CACNG2: variants seen among roughly 807,000 people sequenced by gnomAD.
The protein encoded by CACNG2 is calcium voltage-gated channel auxiliary subunit gamma 2.
Under a neutral mutation model 25.9 loss-of-function variants are expected in CACNG2, and 3 were observed. The observed-to-expected ratio is 0.12, with a 90% CI of 0.05 to 0.30. The LOEUF is 0.30. CACNG2 is among the 10% of genes least tolerant of loss of function. CACNG2 has a pLI of 1.00. For missense variants in CACNG2, 341 were observed against 432.5 expected (o/e 0.79, Z 1.88); for synonymous variants, 167 against 173.3 (o/e 0.96, Z 0.29).
intron 1 of CACNG2, among the ~76,000 whole-genome samples, chr22:36,677,201 T>C (rs2145998064): frequency 6.6e-6 from 1 of 152,312 alleles, no homozygotes; most frequent in Non-Finnish European, 1.5e-5. Context: ...CTTCATTTCC[T>C]GAAGAAGGCT....
chr22:36,668,351 A>C (rs192731172), intron 1 of CACNG2, among the ~76,000 whole-genome samples: 144 of 152,384 alleles, frequency 9.4e-4, no homozygotes, highest in Non-Finnish European at 1.6e-3. Flanking sequence ...GAGAGATATA[A>C]GCGGAGACTT....
At chr22:36,571,188 G>C (rs979436358) in intron 2 of CACNG2, among the ~76,000 whole-genome samples, 1 of 152,172 alleles carries the variant, frequency 6.6e-6, no homozygotes, top group Non-Finnish European at 1.5e-5. Flanking sequence ...CAGGCATGGT[G>C]GCTCATGCCT....
Position 36,677,053 on chromosome 22 carries a change from T to A in CACNG2, c.211+25313A>T, listed in dbSNP as rs569400969. Among the ~76,000 whole-genome samples, 20 of 152,168 alleles carry A rather than the reference T, an allele frequency of 1.3e-4. 1 individual carries two copies. The highest frequency in any genetic ancestry group is 4.8e-4 in the African/African-American group (20 of 41,500). On this transcript the variant is annotated intron_variant, in intron 1 of 3. Transcript: ENST00000300105. The stretch of plus-strand genomic sequence containing the variant: ...GGTGTCACCTCTACTCTTCTCTGGT[T>A]CTAACAATCTTACAGTATCAAACAG...
intron 1 of CACNG2, among the ~76,000 whole-genome samples, chr22:36,658,739 C>A (rs1936743320): frequency 2.0e-5 from 3 of 152,018 alleles, no homozygotes. Context: ...TGACAGTGAA[C>A]AAAGTAACAA....
chr22:36,620,666 G>A (rs930763017), intron 1 of CACNG2, among the ~76,000 whole-genome samples: 15 of 152,180 alleles, frequency 9.9e-5, no homozygotes, highest in Non-Finnish European at 1.8e-4. Context: ...AATGGTGCTA[G>A]TGGTAATTTG....
intron 1 of CACNG2, among the ~76,000 whole-genome samples, chr22:36,645,799 C>T (rs1334786259): frequency 2.6e-5 from 4 of 152,198 alleles, no homozygotes; most frequent in African/African-American, 9.6e-5. Context: ...TTTGCACCCT[C>T]CCCTTCATTC....
chr22:36,612,973 G>C (rs1483816155), intron 1 of CACNG2, among the ~76,000 whole-genome samples: 1 of 152,180 alleles, frequency 6.6e-6, no homozygotes, highest in East Asian at 1.9e-4. Context: ...ATGCTAAGAG[G>C]AGATACAAAA....
chr22:36,604,396 T>G lies in CACNG2; in HGVS notation c.212-16848A>C, dbSNP rs149275839. On this transcript the variant is annotated intron_variant, in intron 1 of 3. Coordinates refer to ENST00000300105, the MANE Select transcript of CACNG2 (RefSeq NM_006078.5). ...TATTTAGAAGATGATATAAAGTTAG[T>G]TGATAAAGCAGCAGCAGGGTTTGAG... Among the ~76,000 whole-genome samples the G allele has an allele frequency of 1.3e-3, 204 of 152,338 alleles. 2 individuals are homozygous for G. Among genetic ancestry groups the G allele is most frequent in the African/African-American group, 4.8e-3 (198 of 41,570 alleles).
chr22:36,606,120 A>G lies in CACNG2; in HGVS notation c.212-18572T>C, dbSNP rs1370517730. Among the ~76,000 whole-genome samples the G allele has an allele frequency of 6.6e-6, 1 of 152,186 alleles. No individual in the cohort carries two copies. The highest frequency in any genetic ancestry group is 1.5e-5 in the Non-Finnish European group (1 of 68,030). On this transcript the variant is annotated intron_variant, in intron 1 of 3. Coordinates refer to ENST00000300105, the MANE Select transcript of CACNG2 (RefSeq NM_006078.5). The surrounding 1 kb of genome is among the most constrained non-coding windows in gnomAD (Gnocchi z 5.7). ...TACTTCAGCTCGTCCTTGAATTTTTATCAAGTGGTTACTAGGTGTTGGTGT... is the reference window on the plus strand; with the variant it reads ...TACTTCAGCTCGTCCTTGAATTTTTGTCAAGTGGTTACTAGGTGTTGGTGT...
chr22:36,700,100 G>A (rs1007015694), intron 1 of CACNG2, among the ~76,000 whole-genome samples: 1 of 152,250 alleles, frequency 6.6e-6, no homozygotes, highest in Non-Finnish European at 1.5e-5. Flanking sequence ...GGGGTAGTGA[G>A]GCCCCGCTGG....
intron 2 of CACNG2, among the ~76,000 whole-genome samples, chr22:36,574,250 A>G (rs1484557620): frequency 6.6e-6 from 1 of 152,220 alleles, no homozygotes; most frequent in Non-Finnish European, 1.5e-5. Context: ...TGAGAAGGCT[A>G]CTGCAGCTGA....
At chr22:36,573,341 A>ATTT (rs2058874380) in intron 2 of CACNG2, among the ~76,000 whole-genome samples, 1 of 151,696 alleles carries the variant, frequency 6.6e-6, no homozygotes, top group Non-Finnish European at 1.5e-5. Context: ...TATTATTATT[A>ATTT]TTTTTTTGAG....
intron 1 of CACNG2, among the ~76,000 whole-genome samples, chr22:36,627,767 C>G (rs1164792599): frequency 6.6e-6 from 1 of 151,900 alleles, no homozygotes; most frequent in African/African-American, 2.4e-5. Flanking sequence ...GGACTACAGG[C>G]GTGCGCCACC....
chr22:36,659,604 G>C (rs769677846), intron 1 of CACNG2, among the ~76,000 whole-genome samples: 9 of 149,740 alleles, frequency 6.0e-5, no homozygotes, highest in Non-Finnish European at 1.2e-4. Context: ...CCAGGAAGGA[G>C]TGGGGCCAAA....
At chr22:36,643,202 C>T (rs1026866547) in intron 1 of CACNG2, among the ~76,000 whole-genome samples, 1 of 147,170 alleles carries the variant, frequency 6.8e-6, no homozygotes, top group Non-Finnish European at 1.5e-5. Context: ...CTTTCTTTCT[C>T]CTTCCTTCCT....
chr22:36,651,224 C>CTTTTTTTTTTTTTTTTTTTTTTTTTT (rs11411019), intron 1 of CACNG2, among the ~76,000 whole-genome samples: 1 of 83,112 alleles, frequency 1.2e-5, no homozygotes, highest in Non-Finnish European at 2.2e-5. Context: ...CTTCTTCCTC[C>CTTTTTTTTTTTTTTTTTTTTTTTTTT]TTTTTTTTTT....
At position 36,564,982 on chromosome 22, in the gene CACNG2, C is replaced by T; in HGVS notation, c.437-96G>A. ...GGGCAGCCGTAAAGGACGGGGACAGCTGTGTGGGCCTTCCCCGGTCCCGCG... is the reference window on the plus strand; with the variant it reads ...GGGCAGCCGTAAAGGACGGGGACAGTTGTGTGGGCCTTCCCCGGTCCCGCG... On this transcript the variant is annotated intron_variant, in intron 3 of 3. Coordinates refer to ENST00000300105, the MANE Select transcript of CACNG2 (RefSeq NM_006078.5). This position sits in a 1 kb window ranked among gnomAD's most constrained non-coding sequence, Gnocchi z 6.7. The T allele has an allele frequency of 1.8e-5, 20 of 1,096,776 alleles. 1 individual carries two copies. The South Asian group carries it at 2.4e-4, about 13-fold the overall frequency. The allele number at this position is 1,096,776 out of a possible 1,614,324, so 67.9% of individuals were successfully genotyped here. A position where few individuals can be genotyped will look rare whatever the true frequency, so the allele number is the denominator to read the frequency against.
intron 1 of CACNG2, among the ~76,000 whole-genome samples, chr22:36,678,902 G>A (rs16997162): frequency 0.025 from 3,805 of 152,050 alleles, 158 homozygotes; most frequent in African/African-American, 0.087. Context: ...ATCGCACACC[G>A]TCTTCCCAAG....
At chr22:36,674,807 G>T (rs1937000457) in intron 1 of CACNG2, among the ~76,000 whole-genome samples, 1 of 152,312 alleles carries the variant, frequency 6.6e-6, no homozygotes, top group Non-Finnish European at 1.5e-5. Flanking sequence ...GGGCACCTGA[G>T]CCAGACTTGA....
Sources: gnomAD v4.1 joint callset for allele counts (sites outside exome capture counted in the v4.1 genomes callset) on GRCh38, gnomAD v4.1.1 for gene constraint, Gnocchi (gnomAD v3.1) non-coding constraint, MANE v1.5 for transcripts, NCBI Gene and HGNC (gene_info 2026-07-23, HGNC 2026-07-21) for gene names.